Variants in INPP4B observed in about 807,000 individuals in gnomAD.
The protein encoded by INPP4B is inositol polyphosphate-4-phosphatase type II B.
INPP4B carries 55 observed loss-of-function variants against 122.5 expected under a neutral mutation model. The ratio of observed to expected loss-of-function variants is 0.45; its 90% confidence interval spans 0.36 to 0.56. INPP4B has a LOEUF of 0.56. Among genes scored for constraint, INPP4B ranks in the 20% least tolerant of loss-of-function variants. INPP4B has a pLI of 0.00. For missense variants in INPP4B, 1,000 were observed against 1,097.7 expected, an observed-to-expected ratio of 0.91 and a Z score of 1.26; for synonymous variants, 403 against 388.7, an observed-to-expected ratio of 1.04 and a Z score of -0.43.
At chr4:142,414,796 A>G (rs572335766) in intron 5 of INPP4B, among the ~76,000 whole-genome samples, 1 of 152,206 alleles carries the variant, frequency 6.6e-6, no homozygotes, top group African/African-American at 2.4e-5. Flanking sequence ...AGCACCGCCT[A>G]TCGTTGCATT....
chr4:142,342,952 A>G (rs1357970217), intron 7 of INPP4B, among the ~76,000 whole-genome samples: 1 of 152,168 alleles, frequency 6.6e-6, no homozygotes, highest in Admixed American at 6.5e-5. Context: ...AGGTTCTATA[A>G]ACCATTTTTG....
At chr4:142,329,666 A>T (rs1221362915) in intron 7 of INPP4B, among the ~76,000 whole-genome samples, 1 of 152,142 alleles carries the variant, frequency 6.6e-6, no homozygotes, top group Non-Finnish European at 1.5e-5. Context: ...TTTTTAGAGG[A>T]ATAATTACTG....
Position 142,377,791 on chromosome 4 carries a change from A to C in INPP4B, c.372+25147T>G, listed in dbSNP as rs541137980. 3.3e-5 allele frequency among the ~76,000 whole-genome samples: 5 copies of C among 152,244 alleles called. No individual in the cohort carries two copies. In the South Asian group the frequency reaches 1.0e-3, roughly 32 times the overall value. Reference sequence around the variant, plus strand: ...AAATACTAAAATAAATACAGAAAAAATAAGTACTTATTCATTACTCTTCAT... The same window carrying C: ...AAATACTAAAATAAATACAGAAAAACTAAGTACTTATTCATTACTCTTCAT... On this transcript the variant is annotated intron_variant, in intron 7 of 25. Transcript: ENST00000262992.
chr4:142,612,588 G>A (rs755772486), intron 2 of INPP4B, among the ~76,000 whole-genome samples: 1 of 152,286 alleles, frequency 6.6e-6, no homozygotes, highest in African/African-American at 2.4e-5. Flanking sequence ...GATTAGGTTA[G>A]TGTAAAAAGA....
intron 23 of INPP4B, among the ~76,000 whole-genome samples, chr4:142,094,404 A>G (rs376287290): frequency 6.6e-6 from 1 of 152,138 alleles, no homozygotes; most frequent in African/African-American, 2.4e-5. Context: ...TTTTACCCCA[A>G]TGATAGCCCT....
chr4:142,533,821 C>T lies in INPP4B; in HGVS notation c.-190-71095G>A, dbSNP rs150215174. Among the ~76,000 whole-genome samples, 21 of 152,304 alleles carry T rather than the reference C, an allele frequency of 1.4e-4. No individual in the cohort carries two copies. In the East Asian group the frequency reaches 3.9e-3, roughly 28 times the overall value. On this transcript the variant is annotated intron_variant, in intron 2 of 25. Transcript: ENST00000262992. ...TCCCACATCTGTGTCTTTGAATATA[C>T]AGTTAGGACAACTAATGTGGTAGTC...
chr4:142,635,152 A>G (rs10018900), intron 2 of INPP4B, among the ~76,000 whole-genome samples: 1,593 of 152,258 alleles, frequency 0.01, 25 homozygotes, highest in African/African-American at 0.037. Flanking sequence ...CAAAACCACT[A>G]TGAGATACCA....
At chr4:142,204,315 C>T (rs1841833243) in intron 14 of INPP4B, among the ~76,000 whole-genome samples, 1 of 151,982 alleles carries the variant, frequency 6.6e-6, no homozygotes, top group South Asian at 2.1e-4. Context: ...CAATACAATT[C>T]AGTACTTTTC....
chr4:142,340,028 A>G (rs1778128185), intron 7 of INPP4B, among the ~76,000 whole-genome samples: 1 of 152,206 alleles, frequency 6.6e-6, no homozygotes, highest in Admixed American at 6.5e-5. Flanking sequence ...ACTGTCTTCT[A>G]AAGGAAAAGC....
At chr4:142,537,186 T>C (rs1394492850) in intron 2 of INPP4B, among the ~76,000 whole-genome samples, 1 of 151,404 alleles carries the variant, frequency 6.6e-6, no homozygotes, top group African/African-American at 2.4e-5. Flanking sequence ...AGCTTCAGAG[T>C]CCTGAGTGGC....
intron 1 of INPP4B, among the ~76,000 whole-genome samples, chr4:142,825,126 C>T (rs1351711571): frequency 6.6e-6 from 1 of 152,042 alleles, no homozygotes; most frequent in Non-Finnish European, 1.5e-5. Flanking sequence ...AAAGGGCAGG[C>T]TATTTGCATT....
chr4:142,772,088 T>C (rs1304526427), intron 1 of INPP4B, among the ~76,000 whole-genome samples: 1 of 152,176 alleles, frequency 6.6e-6, no homozygotes, highest in East Asian at 1.9e-4. Context: ...AAGTAGATAC[T>C]TGGATATGTG....
chr4:142,537,417 TATATATATATATAGAG>T (rs1310762855), intron 2 of INPP4B, among the ~76,000 whole-genome samples: 5 of 49,678 alleles, frequency 1.0e-4, no homozygotes, highest in African/African-American at 1.4e-4. Flanking sequence ...TATATATATA[TATATATATATATAGAG>T]AGAGAGAGAG....
intron 7 of INPP4B, among the ~76,000 whole-genome samples, chr4:142,385,409 T>C (rs1480635256): frequency 6.6e-6 from 1 of 150,818 alleles, no homozygotes; most frequent in Non-Finnish European, 1.5e-5. Context: ...TCAGTGGAGG[T>C]AGAGCTCAGT....
chr4:142,763,680 T>G (rs1771670233), intron 1 of INPP4B, among the ~76,000 whole-genome samples: 1 of 152,148 alleles, frequency 6.6e-6, no homozygotes, highest in Admixed American at 6.6e-5. Context: ...AGTAGGAAAC[T>G]AGTAACCACC....
At chr4:142,253,215 T>A (rs191506781) in intron 11 of INPP4B, among the ~76,000 whole-genome samples, 1 of 152,236 alleles carries the variant, frequency 6.6e-6, no homozygotes, top group Admixed American at 6.5e-5. Flanking sequence ...TCTGGATGAG[T>A]CAGTGAGTGA....
chr4:142,352,888 CTT>C (rs1315203704), intron 7 of INPP4B, among the ~76,000 whole-genome samples: 1 of 151,906 alleles, frequency 6.6e-6, no homozygotes, highest in Non-Finnish European at 1.5e-5. Context: ...TCCATGGAAA[CTT>C]TAGCTGATGA....
chr4:142,264,256 A>G (rs1561676299), intron 10 of INPP4B, among the ~76,000 whole-genome samples: 1 of 152,214 alleles, frequency 6.6e-6, no homozygotes, highest in Non-Finnish European at 1.5e-5. Context: ...GTGATAGACA[A>G]CATTGGTAGC....
chr4:142,345,215 T>C (rs185928528), intron 7 of INPP4B, among the ~76,000 whole-genome samples: 1 of 152,152 alleles, frequency 6.6e-6, no homozygotes, highest in East Asian at 1.9e-4. Context: ...TATTATTCTT[T>C]AGTAAATAAA....
Sources: allele counts gnomAD v4.1 joint callset (sites outside exome capture counted in the v4.1 genomes callset), GRCh38; gene constraint gnomAD v4.1.1; transcripts MANE v1.5; gene names NCBI Gene and HGNC (gene_info 2026-07-23, HGNC 2026-07-21).